The following SLC13A2 variants were observed in gnomAD, a reference collection of about 807,000 sequenced individuals.
SLC13A2 encodes the protein solute carrier family 13 member 2, also known as Na(+)-coupled citrate transporter.
In SLC13A2, 40 loss-of-function variants were observed where a neutral mutation model predicts 58.5. That is an observed-to-expected ratio of 0.68 (90% confidence interval 0.53 to 0.89). The LOEUF is 0.89. Among genes scored for constraint, SLC13A2 ranks in the 40% least tolerant of loss-of-function variants. The pLI, the probability that SLC13A2 is intolerant of heterozygous loss-of-function variation, is 0.00. For missense variants in SLC13A2, 694 were observed against 772.6 expected (o/e 0.90, Z 1.21); for synonymous variants, 341 against 331.6 (o/e 1.03, Z -0.31).
At chr17:28,489,072 G>T in intron 1 of SLC13A2, 142 bp from the exon 2 acceptor site, 2 of 941,170 alleles carry the variant, frequency 2.1e-6, no homozygotes, top group South Asian at 3.3e-5. Flanking sequence ...ATGAGACCTT[G>T]GGCTTGGGAA....
At chr17:28,488,521 G>A (rs1028088834) in intron 1 of SLC13A2, among the ~76,000 whole-genome samples, 5 of 152,202 alleles carry the variant, frequency 3.3e-5, no homozygotes, top group Admixed American at 6.5e-5. Context: ...CAGGCCTGAG[G>A]TCAGGCTTCT....
rs1451564038 is a variant in SLC13A2, at chr17:28,496,610, T to A, written c.1608+23T>A. 6.2e-7 allele frequency: 1 copy of A among 1,601,226 alleles called. No homozygotes were observed. Among genetic ancestry groups the A allele is most frequent in the Non-Finnish European group, 8.5e-7 (1 of 1,171,252 alleles). ...ATGGTAAGTGGCAGGGAGGCCTGAA[T>A]GCCTCATCCCTCCTTCCTGCTCTGA... is the stretch of plus-strand genomic sequence containing the variant. On this transcript the variant is annotated intron_variant, in intron 11 of 11. Transcript: ENST00000314669. This position sits in a 1 kb window ranked among gnomAD's most constrained non-coding sequence, Gnocchi z 4.2.
chr17:28,489,103 A>G, intron 1 of SLC13A2, 111 bp from the exon 2 acceptor site: 1 of 1,268,608 alleles, frequency 7.9e-7, no homozygotes. Context: ...TGGGTTTCAC[A>G]GGCTCTCCCC....
intron 6 of SLC13A2, 105 bp from the exon 7 acceptor site, chr17:28,493,456 TAGTGACCCTG>T: frequency 7.5e-6 from 6 of 801,662 alleles, no homozygotes; most frequent in Admixed American, 5.9e-5. Context: ...GGCCTGAGTG[TAGTGACCCTG>T]AGATGCCCTC....
intron 7 of SLC13A2, 75 bp from the exon 8 acceptor site, chr17:28,493,942 A>C (rs1275785924): frequency 2.0e-6 from 3 of 1,501,564 alleles, no homozygotes; most frequent in Non-Finnish European, 2.8e-6. Flanking sequence ...GCTCATCTCC[A>C]CCACCCTCCA....
At chr17:28,477,279 C>T (rs774479612) in intron 1 of SLC13A2, among the ~76,000 whole-genome samples, 63 of 149,834 alleles carry the variant, frequency 4.2e-4, no homozygotes, top group African/African-American at 1.4e-3. Flanking sequence ...CTGCAAGCTC[C>T]GCCTCCCAGG....
chr17:28,488,675 G>A (rs1370078394), intron 1 of SLC13A2, among the ~76,000 whole-genome samples: 2 of 152,202 alleles, frequency 1.3e-5, no homozygotes, highest in Admixed American at 1.3e-4. Flanking sequence ...TTGCTCCTCT[G>A]GAGTTGTGTA....
At chr17:28,480,153 C>CA (rs782701132) in intron 1 of SLC13A2, among the ~76,000 whole-genome samples, 132 of 125,420 alleles carry the variant, frequency 1.1e-3, no homozygotes, top group Middle Eastern at 4.5e-3. Flanking sequence ...GACTCTGTCT[C>CA]AAAAAAAAAA....
chr17:28,487,976 T>C (rs781995572), intron 1 of SLC13A2, among the ~76,000 whole-genome samples: 1 of 152,190 alleles, frequency 6.6e-6, no homozygotes, highest in Non-Finnish European at 1.5e-5. Context: ...ATCCTTTATC[T>C]GAGTTCCATC....
intron 6 of SLC13A2, among the ~76,000 whole-genome samples, chr17:28,492,942 G>T (rs1402071185): frequency 6.6e-6 from 1 of 152,214 alleles, no homozygotes; most frequent in Non-Finnish European, 1.5e-5. Flanking sequence ...CTGGATTAAG[G>T]TTGGGAGCTG....
At chr17:28,476,742 A>C (rs782557778) in intron 1 of SLC13A2, among the ~76,000 whole-genome samples, 11 of 152,152 alleles carry the variant, frequency 7.2e-5, no homozygotes, top group Non-Finnish European at 1.2e-4. Flanking sequence ...GAAATCATCT[A>C]TTTGCTTATT....
Position 28,497,174 on chromosome 17 carries a change from C to A in SLC13A2, c.1684C>A (p.Leu562Ile). 6.2e-7 allele frequency: 1 copy of A among 1,614,178 alleles called. No homozygotes were observed. Among genetic ancestry groups the A allele is most frequent in the Non-Finnish European group, 8.5e-7 (1 of 1,180,016 alleles). The change falls in exon 12 of 12, where the codon CTC (leucine) becomes ATC (isoleucine). Residue 562 changes from leucine (L) to isoleucine (I), a missense_variant. Physicochemically the swap from Leu to Ile is conservative, Grantham distance 5 (BLOSUM62 2). Transcript: ENST00000314669. ...ALAINSWGIP[L>I]FSLHSFPSWA... ...GGCCATCAACAGCTGGGGCATCCCC[C>A]TCTTCAGCCTGCACTCTTTCCCCTC...
At chr17:28,486,022 TAAG>T (rs2068874718) in intron 1 of SLC13A2, among the ~76,000 whole-genome samples, 2 of 151,742 alleles carry the variant, frequency 1.3e-5, no homozygotes, top group Non-Finnish European at 2.9e-5. Flanking sequence ...TTAGAAAAAA[TAAG>T]AAATAAAATA....
In SLC13A2 at chr17:28,496,623, C is replaced by T; in HGVS notation, c.1608+36C>T. On this transcript the variant is annotated intron_variant, in intron 11 of 11. Transcript: ENST00000314669. This position sits in a 1 kb window ranked among gnomAD's most constrained non-coding sequence, Gnocchi z 4.2. ...GGGAGGCCTGAATGCCTCATCCCTC[C>T]TTCCTGCTCTGACTTTTCATCTTAG... 1.9e-6 allele frequency: 3 copies of T among 1,584,212 alleles called. No individual in the cohort carries two copies. Among genetic ancestry groups the T allele is most frequent in the Non-Finnish European group, 2.6e-6 (3 of 1,160,590 alleles).
intron 1 of SLC13A2, among the ~76,000 whole-genome samples, chr17:28,488,043 C>T (rs1161250827): frequency 2.6e-5 from 4 of 152,164 alleles, no homozygotes; most frequent in African/African-American, 9.7e-5. Context: ...TGTTTACCCT[C>T]TGAGCTCATC....
At chr17:28,490,329 C>A (rs1597884526) in intron 2 of SLC13A2, 125 bp from the exon 3 acceptor site, 2 of 1,606,916 alleles carry the variant, frequency 1.2e-6, no homozygotes, top group East Asian at 2.2e-5. Flanking sequence ...CCATTTCCAT[C>A]CAGTTTCGAG....
intron 3 of SLC13A2, 45 bp from the exon 4 acceptor site, chr17:28,490,656 T>C: frequency 6.3e-7 from 1 of 1,593,570 alleles, no homozygotes; most frequent in Admixed American, 1.7e-5. Context: ...ACCCAGTCCC[T>C]GAAGGGAAGC....
rs2068710088 is a variant in SLC13A2, at chr17:28,477,528, G to GACC, written c.102+3714_102+3715insACC. On this transcript the variant is annotated intron_variant, in intron 1 of 11. Transcript: ENST00000314669. Reference sequence around the variant, plus strand: ...TTTTTGAATGAAGAAAGGAAGGAATGTGCACACAGTGGATCCTGACCTGCA... The same window carrying GACC: ...TTTTTGAATGAAGAAAGGAAGGAATGACCTGCACACAGTGGATCCTGACCTGCA... Among the ~76,000 whole-genome samples, 3 of 152,002 alleles carry GACC rather than the reference G, an allele frequency of 2.0e-5. No homozygotes were observed. The East Asian group carries it at 5.9e-4, about 30-fold the overall frequency.
At chr17:28,486,131 T>C (rs1300661154) in intron 1 of SLC13A2, among the ~76,000 whole-genome samples, 1 of 152,238 alleles carries the variant, frequency 6.6e-6, no homozygotes, top group Non-Finnish European at 1.5e-5. Context: ...GAAATAGATG[T>C]ACTTCCTTGC....
Sources: gnomAD v4.1 joint callset for allele counts (sites outside exome capture counted in the v4.1 genomes callset) on GRCh38, gnomAD v4.1.1 for gene constraint, Gnocchi (gnomAD v3.1) non-coding constraint, MANE v1.5 for transcripts, NCBI Gene and HGNC (gene_info 2026-07-23, HGNC 2026-07-21) for gene names.